ABCG8: variants seen among roughly 807,000 people sequenced by gnomAD.
ABCG8 encodes ATP binding cassette subfamily G member 8.
A neutral mutation model predicts 71.3 loss-of-function variants in ABCG8; 81 were observed. That is an observed-to-expected ratio of 1.14 (90% CI 0.95 to 1.37). The LOEUF is 1.37. ABCG8 is among the 40% of genes most tolerant of loss of function. ABCG8 has a pLI of 0.00. For missense variants in ABCG8, 1,119 were observed against 866.2 expected, an observed-to-expected ratio of 1.29 and a Z score of -3.66; for synonymous variants, 451 against 354.7, an observed-to-expected ratio of 1.27 and a Z score of -3.05.
intron 1 of ABCG8, 21 bp downstream of exon 1, chr2:43,839,137 C>A: frequency 1.9e-6 from 3 of 1,550,838 alleles, no homozygotes; most frequent in Non-Finnish European, 2.6e-6. Context: ...AATGGGAAGT[C>A]GGCCCAGGCC....
chr2:43,852,374 G>T lies in ABCG8; in HGVS notation c.582G>T (p.Glu194Asp). 1 of 1,612,300 alleles carries T rather than the reference G, an allele frequency of 6.2e-7. No homozygotes were observed. The highest frequency in any genetic ancestry group is 8.5e-7 in the Non-Finnish European group (1 of 1,180,034). Reference protein sequence around the residue: ...RDKRVEDVIAELRLRQCADTR... With the variant: ...RDKRVEDVIADLRLRQCADTR... ...CACAGGTGGAGGACGTGATCGCGGA[G>T]CTGCGGCTTAGGCAGTGCGCTGACA... Residue 194 changes from glutamate (E) to aspartate (D), a missense_variant, in exon 5 of 13, where the codon GAG (glutamate) becomes GAT (aspartate). By Grantham distance (45) the Glu-to-Asp change is conservative. Coordinates refer to ENST00000272286, the MANE Select transcript of ABCG8 (RefSeq NM_022437.3).
chr2:43,869,819 C>T (rs1669693044), intron 6 of ABCG8, among the ~76,000 whole-genome samples: 1 of 152,118 alleles, frequency 6.6e-6, no homozygotes, highest in Non-Finnish European at 1.5e-5. Context: ...TTCTCACCAT[C>T]TGGCTAGAAC....
At chr2:43,865,709 A>C (rs950135016) in intron 6 of ABCG8, among the ~76,000 whole-genome samples, 1 of 152,068 alleles carries the variant, frequency 6.6e-6, no homozygotes, top group Non-Finnish European at 1.5e-5. Flanking sequence ...ATCTATGTGG[A>C]TAGAACTCTC....
chr2:43,845,532 A>T (rs1272071338), intron 2 of ABCG8, among the ~76,000 whole-genome samples: 4 of 152,232 alleles, frequency 2.6e-5, no homozygotes, highest in Non-Finnish European at 5.9e-5. Context: ...CATCTGATAA[A>T]TTATTAGTAA....
At chr2:43,857,399 C>G (rs1303161737) in intron 6 of ABCG8, among the ~76,000 whole-genome samples, 4 of 151,760 alleles carry the variant, frequency 2.6e-5, no homozygotes, top group African/African-American at 7.2e-5. Flanking sequence ...CACTATCTAT[C>G]TGGATAGAAT....
At chr2:43,850,709 T>A (rs1668885430) in intron 3 of ABCG8, among the ~76,000 whole-genome samples, 1 of 152,102 alleles carries the variant, frequency 6.6e-6, no homozygotes, top group Non-Finnish European at 1.5e-5. Flanking sequence ...GGTCAGGAGT[T>A]CAAGACCAGC....
At position 43,882,122 on chromosome 2, in the gene ABCG8, TCAC is replaced by T. The variant is rs1312967403; in HGVS notation, c.*4212_*4214del. The T allele has an allele frequency of 6.6e-6, 1 of 152,182 alleles. No individual in the cohort carries two copies. Among genetic ancestry groups the T allele is most frequent in the Non-Finnish European group, 1.5e-5 (1 of 68,028 alleles). The allele number at this position is 152,182 out of a possible 1,614,324, so 9.4% of individuals were successfully genotyped here. Reference sequence around the variant, plus strand: ...GGAATTTTAATTAAACAGAAAATAATCACCAATATTGGCTCAAATATTTCCTGA... The same window carrying T: ...GGAATTTTAATTAAACAGAAAATAATCAATATTGGCTCAAATATTTCCTGA... On this transcript the variant is annotated 3_prime_UTR_variant, in exon 13 of 13. Transcript: ENST00000272286.
intron 6 of ABCG8, among the ~76,000 whole-genome samples, chr2:43,859,097 C>A (rs564485588): frequency 6.6e-6 from 1 of 150,782 alleles, no homozygotes; most frequent in South Asian, 2.1e-4. Flanking sequence ...ACTCTCAGAA[C>A]TTTCTGGATA....
intron 1 of ABCG8, among the ~76,000 whole-genome samples, chr2:43,840,680 T>G (rs4148202): frequency 0.5 from 76,104 of 152,016 alleles, 19,714 homozygotes; most frequent in East Asian, 0.84. Flanking sequence ...TGAAAGGCCA[T>G]GTGTAAATTG....
rs750352877 is a variant in ABCG8 at position 43,851,740 on chromosome 2, A to C, written c.479A>C (p.Asn160Thr). Residue 160 changes from asparagine (N) to threonine (T), a missense_variant, in exon 4 of 13, where the codon AAC becomes ACC. Coordinates refer to ENST00000272286, the MANE Select transcript of ABCG8 (RefSeq NM_022437.3). Reference protein sequence around the residue: ...HVRQHNQLLPNLTVRETLAFI... With the variant: ...HVRQHNQLLPTLTVRETLAFI... ...CGCCAGCACAACCAGCTGCTCCCCA[A>C]CTTGACTGTGCGAGAGACCTTGGCC... 1.3e-5 allele frequency: 21 copies of C among 1,614,100 alleles called. No homozygotes were observed. The highest frequency in any genetic ancestry group is 1.7e-5 in the Admixed American group (1 of 60,012).
chr2:43,852,220 C>T, intron 4 of ABCG8, 134 bp from the exon 5 acceptor site: 1 of 1,265,478 alleles, frequency 7.9e-7, no homozygotes, highest in South Asian at 1.2e-5. Flanking sequence ...CAGCTTGGAA[C>T]TCAAGTGCTG....
chr2:43,870,371 C>T (rs1223844596), intron 6 of ABCG8, among the ~76,000 whole-genome samples: 3 of 152,048 alleles, frequency 2.0e-5, no homozygotes, highest in Non-Finnish European at 4.4e-5. Flanking sequence ...ATAGAATTCT[C>T]ACTGTGTATG....
intron 10 of ABCG8, 134 bp from the exon 11 acceptor site, chr2:43,875,012 C>T (rs1037516105): frequency 2.3e-6 from 3 of 1,298,706 alleles, no homozygotes; most frequent in Admixed American, 3.9e-5. Context: ...TGGGTCCCAG[C>T]ACACCCTCCT....
At chr2:43,842,612 T>G (rs985166189) in intron 1 of ABCG8, among the ~76,000 whole-genome samples, 9 of 152,040 alleles carry the variant, frequency 5.9e-5, no homozygotes, top group African/African-American at 1.9e-4. Context: ...CAACATATTG[T>G]GAAATATCGT....
At chr2:43,872,366 A>C in intron 8 of ABCG8, 60 bp downstream of exon 8, 1 of 1,512,186 alleles carries the variant, frequency 6.6e-7, no homozygotes, top group Non-Finnish European at 9.1e-7. Flanking sequence ...TGTATATCAC[A>C]TTAAGCCCTT....
At chr2:43,873,679 C>T (rs1294445030) in intron 8 of ABCG8, 108 bp from the exon 9 acceptor site, 11 of 1,117,930 alleles carry the variant, frequency 9.8e-6, no homozygotes, top group Non-Finnish European at 1.4e-5. Context: ...TATTACCATC[C>T]CCATTTTGCA....
chr2:43,876,758 A>G (rs1159271021), intron 11 of ABCG8, among the ~76,000 whole-genome samples: 5 of 148,962 alleles, frequency 3.4e-5, no homozygotes, highest in Admixed American at 1.3e-4. Context: ...GAGAGTGTCA[A>G]TATAAAGGAG....
At chr2:43,866,086 C>G (rs1572854921) in intron 6 of ABCG8, among the ~76,000 whole-genome samples, 1 of 152,098 alleles carries the variant, frequency 6.6e-6, no homozygotes, top group Admixed American at 6.5e-5. Context: ...GAAAAACAAG[C>G]AATGGGGAAA....
rs371310132 is a variant in ABCG8, at chr2:43,875,223, G to T, written c.1566G>T (p.Arg522Ser). ...GMPTYWLANL[R>S]PGLQPFLLHF... ...CCACCTACTGGCTGGCCAACCTGAGGCCAGGCCTCCAGCCCTTCCTGCTGC... is the reference window on the plus strand; with the variant it reads ...CCACCTACTGGCTGGCCAACCTGAGTCCAGGCCTCCAGCCCTTCCTGCTGC... Residue 522 changes from arginine to serine, a missense_variant, in exon 11 of 13, where the codon AGG becomes AGT. By Grantham distance (110) the Arg-to-Ser change is moderately radical. Transcript: ENST00000272286. 1.2e-6 allele frequency: 2 copies of T among 1,614,222 alleles called. No homozygotes were observed. Among genetic ancestry groups the T allele is most frequent in the South Asian group, 2.2e-5 (2 of 91,088 alleles).
Sources: gnomAD v4.1 joint callset for allele counts (sites outside exome capture counted in the v4.1 genomes callset) on GRCh38, gnomAD v4.1.1 for gene constraint, MANE v1.5 for transcripts, NCBI Gene and HGNC (gene_info 2026-07-23, HGNC 2026-07-21) for gene names.